Variants in CEP83 observed in about 807,000 individuals in gnomAD.
CEP83 encodes the protein centrosomal protein of 83 kDa.
Under a neutral mutation model 101.9 loss-of-function variants are expected in CEP83, and 70 were observed. That is an observed-to-expected ratio of 0.69 (90% CI 0.57 to 0.84). The LOEUF (loss-of-function observed/expected upper bound fraction) is 0.84, where lower values mean the gene tolerates loss of function less well. CEP83 is among the 40% of genes least tolerant of loss of function. The pLI is 0.00. For missense variants in CEP83, 715 were observed against 787.2 expected (o/e 0.91, Z 1.10); for synonymous variants, 264 against 267.9 (o/e 0.99, Z 0.14).
chr12:94,408,512 G>T (rs1401002192), intron 4 of CEP83, among the ~76,000 whole-genome samples: 2 of 152,052 alleles, frequency 1.3e-5, no homozygotes, highest in Non-Finnish European at 2.9e-5. Context: ...ATTTAAAAAG[G>T]TTTTGCTAAC....
intron 3 of CEP83, 85 bp downstream of exon 3, chr12:94,412,233 A>T: frequency 9.1e-7 from 1 of 1,097,658 alleles, no homozygotes; most frequent in Non-Finnish European, 1.3e-6. Flanking sequence ...ACAAAATTAT[A>T]CTATATTCTA....
intron 2 of CEP83, among the ~76,000 whole-genome samples, chr12:94,432,046 G>C (rs1015867060): frequency 6.6e-6 from 1 of 151,662 alleles, no homozygotes; most frequent in African/African-American, 2.4e-5. Flanking sequence ...TCCATTAATG[G>C]ATTAACTTTT....
At chr12:94,390,660 C>T (rs776574104) in intron 6 of CEP83, among the ~76,000 whole-genome samples, 1 of 152,160 alleles carries the variant, frequency 6.6e-6, no homozygotes, top group Non-Finnish European at 1.5e-5. Context: ...TTCAGAAGGT[C>T]AGTAATAACA....
chr12:94,383,246 A>C lies in CEP83; in HGVS notation c.550-4204T>G, dbSNP rs137872975. On this transcript the variant is annotated intron_variant, in intron 6 of 16. Transcript: ENST00000397809. ...AGCTTTGTATATCCTTTTATTTACAAACTGCCTATACTGTTATACTTGGAG... is the reference window on the plus strand; with the variant it reads ...AGCTTTGTATATCCTTTTATTTACACACTGCCTATACTGTTATACTTGGAG... Among the ~76,000 whole-genome samples the C allele has an allele frequency of 2.0e-3, 308 of 152,166 alleles. 3 individuals carry two copies. Among genetic ancestry groups the C allele is most frequent in the African/African-American group, 7.0e-3 (290 of 41,546 alleles).
rs1969213394 is a variant in CEP83 at position 94,307,702 on chromosome 12, CTAGTTA to C, written c.*1105_*1110del. 1 of 143,762 alleles carries C rather than the reference CTAGTTA, an allele frequency of 7.0e-6. No individual in the cohort carries two copies. Among genetic ancestry groups the C allele is most frequent in the Non-Finnish European group, 1.5e-5 (1 of 65,694 alleles). 8.9% of individuals were successfully genotyped at this position (143,762 alleles called of 1,614,324 possible). On this transcript the variant is annotated 3_prime_UTR_variant, in exon 17 of 17. Coordinates refer to ENST00000397809, the MANE Select transcript of CEP83 (RefSeq NM_016122.3). ...ACTGTCTTTTTTTTTTTTCAATTTTCTAGTTATAATAGTTTTTTTATTCTAAGTGGC... is the reference window on the plus strand; with the variant it reads ...ACTGTCTTTTTTTTTTTTCAATTTTCTAATAGTTTTTTTATTCTAAGTGGC...
the CEP83 span, chr12:94,298,799 G>T: frequency 6.2e-7 from 1 of 1,608,076 alleles, no homozygotes; most frequent in Non-Finnish European, 8.5e-7. Context: ...CAAACAGGTG[G>T]GAATGTAGGT....
intron 14 of CEP83, among the ~76,000 whole-genome samples, chr12:94,325,131 C>T (rs751843323): frequency 4.6e-5 from 7 of 152,096 alleles, no homozygotes; most frequent in African/African-American, 7.2e-5. Flanking sequence ...CCTTGCCTGA[C>T]CACCTACATA....
intron 11 of CEP83, among the ~76,000 whole-genome samples, chr12:94,366,385 A>G (rs2061028740): frequency 6.6e-6 from 1 of 152,194 alleles, no homozygotes. Flanking sequence ...AAAAACAACT[A>G]TACACAAATA....
At chr12:94,453,512 T>G (rs570915618) in intron 1 of CEP83, among the ~76,000 whole-genome samples, 8 of 152,346 alleles carry the variant, frequency 5.3e-5, no homozygotes, top group African/African-American at 1.9e-4. Flanking sequence ...TACAAATTAC[T>G]AATTACTTTG....
At chr12:94,278,662 G>C in the CEP83 span, among the ~76,000 whole-genome samples, 2 of 152,122 alleles carry the variant, frequency 1.3e-5, no homozygotes, top group Admixed American at 1.3e-4. Flanking sequence ...AAAGCGGAGG[G>C]GTAGATGAAT....
At chr12:94,326,041 G>A (rs2058961736) in intron 14 of CEP83, among the ~76,000 whole-genome samples, 1 of 152,092 alleles carries the variant, frequency 6.6e-6, no homozygotes, top group South Asian at 2.1e-4. Context: ...GATGGGGGCT[G>A]GTCACCAGAA....
At chr12:94,422,894 A>G (rs759091337) in intron 2 of CEP83, among the ~76,000 whole-genome samples, 2 of 152,192 alleles carry the variant, frequency 1.3e-5, no homozygotes, top group Non-Finnish European at 2.9e-5. Flanking sequence ...CAATGAATAT[A>G]GCTGCTATGA....
In CEP83 at chr12:94,333,578, T is replaced by A. The variant is rs1028476001; in HGVS notation, c.1481A>T (p.Asn494Ile). 6.2e-7 allele frequency: 1 copy of A among 1,613,768 alleles called. No individual in the cohort carries two copies. The highest frequency in any genetic ancestry group is 8.5e-7 in the Non-Finnish European group (1 of 1,179,838). ...SLAQSENDLL[N>I]SNQMLKEMVE... ...CATTTCCTTCAGCATTTGGTTTGAA[T>A]TCAGCAAGTCATTCTCTGACTGTGC... The change falls in exon 13 of 17, where the codon AAT becomes ATT. Residue 494 changes from asparagine to isoleucine, a missense_variant. By Grantham distance (149) the Asn-to-Ile change is moderately radical. Transcript: ENST00000397809.
At chr12:94,457,727 C>T (rs1281906309) in intron 1 of CEP83, among the ~76,000 whole-genome samples, 2 of 152,166 alleles carry the variant, frequency 1.3e-5, no homozygotes, top group Non-Finnish European at 2.9e-5. Flanking sequence ...TCAAAGAAGT[C>T]ATTTAGTCTC....
At position 94,429,734 on chromosome 12, in the gene CEP83, G is replaced by C. The variant is rs138843388; in HGVS notation, c.-102+5541C>G. The stretch of plus-strand genomic sequence containing the variant: ...CAGGACTAAGGAATAAGCAAAGCAT[G>C]AGCTTCCACTGCCCAGGCTAAAGCA... On this transcript the variant is annotated intron_variant, in intron 2 of 16. Coordinates refer to ENST00000397809, the MANE Select transcript of CEP83 (RefSeq NM_016122.3). Among the ~76,000 whole-genome samples, 87 of 152,218 alleles carry C rather than the reference G, an allele frequency of 5.7e-4. No homozygotes were observed. In the East Asian group the frequency reaches 0.014, roughly 24 times the overall value.
intron 2 of CEP83, among the ~76,000 whole-genome samples, chr12:94,421,260 T>C (rs1041005290): frequency 5.9e-5 from 9 of 152,124 alleles, no homozygotes; most frequent in African/African-American, 2.2e-4. Context: ...GGTCCCACTA[T>C]GTTGCCCAGG....
chr12:94,392,796 C>T (rs933897750), intron 6 of CEP83, among the ~76,000 whole-genome samples: 1 of 152,104 alleles, frequency 6.6e-6, no homozygotes, highest in Non-Finnish European at 1.5e-5. Flanking sequence ...AAGGGGATAT[C>T]GCCACCGATC....
intron 14 of CEP83, among the ~76,000 whole-genome samples, chr12:94,317,769 T>A (rs529977646): frequency 6.6e-6 from 1 of 152,310 alleles, no homozygotes; most frequent in East Asian, 1.9e-4. Flanking sequence ...GTTCCATTGA[T>A]TTATGTGTTT....
intron 11 of CEP83, among the ~76,000 whole-genome samples, chr12:94,353,329 T>G (rs762530210): frequency 6.6e-6 from 1 of 151,996 alleles, no homozygotes; most frequent in Non-Finnish European, 1.5e-5. Flanking sequence ...CTAAACCTAC[T>G]CAACAAGAAA....
Sources: allele counts gnomAD v4.1 joint callset (sites outside exome capture counted in the v4.1 genomes callset), GRCh38; gene constraint gnomAD v4.1.1; transcripts MANE v1.5; gene names NCBI Gene and HGNC (gene_info 2026-07-23, HGNC 2026-07-21).